BIRC6: variants seen among roughly 807,000 people sequenced by gnomAD.
The protein encoded by BIRC6 is dual E2 ubiquitin-conjugating enzyme/E3 ubiquitin-protein ligase BIRC6.
A neutral mutation model predicts 503.3 loss-of-function variants in BIRC6; 98 were observed. That is an observed-to-expected ratio of 0.19 (90% CI 0.17 to 0.23). The LOEUF (loss-of-function observed/expected upper bound fraction) is 0.23. Among genes scored for constraint, BIRC6 ranks in the 10% least tolerant of loss-of-function variants. The pLI, the probability that BIRC6 is intolerant of heterozygous loss-of-function variation, is 1.00. For missense variants in BIRC6, 5,360 were observed against 5,806.0 expected (o/e 0.92, Z 2.50); for synonymous variants, 2,240 against 2,078.7 (o/e 1.08, Z -2.11).
At chr2:32,517,085 C>G (rs2055134064) in intron 55 of BIRC6, among the ~76,000 whole-genome samples, 2 of 152,068 alleles carry the variant, frequency 1.3e-5, no homozygotes, top group African/African-American at 4.8e-5. Context: ...AATCCCAGCT[C>G]TTTGGGAAGC....
intron 54 of BIRC6, among the ~76,000 whole-genome samples, chr2:32,513,908 T>C (rs930695525): frequency 2.6e-5 from 4 of 151,034 alleles, no homozygotes; most frequent in Admixed American, 6.6e-5. Context: ...AGACTCTGTC[T>C]CAAAAAAAAA....
At chr2:32,405,742 A>G (rs772802233) in intron 8 of BIRC6, among the ~76,000 whole-genome samples, 18 of 152,242 alleles carry the variant, frequency 1.2e-4, no homozygotes, top group Non-Finnish European at 2.4e-4. Context: ...GTACACAAAC[A>G]TACACACTTG....
intron 1 of BIRC6, among the ~76,000 whole-genome samples, chr2:32,364,475 T>C (rs2034587034): frequency 6.6e-6 from 1 of 152,138 alleles, no homozygotes; most frequent in Non-Finnish European, 1.5e-5. Context: ...ATTCCTGACC[T>C]CGTGATCCGC....
At chr2:32,433,272 G>T (rs1430477060) in intron 12 of BIRC6, among the ~76,000 whole-genome samples, 1 of 152,094 alleles carries the variant, frequency 6.6e-6, no homozygotes, top group African/African-American at 2.4e-5. Context: ...TAAAACCCAA[G>T]AATGAATATA....
chr2:32,557,531 AT>A (rs1215608469), intron 65 of BIRC6: 1 of 152,042 alleles, frequency 6.6e-6, no homozygotes, highest in East Asian at 1.9e-4. Context: ...TTGCTTTGTT[AT>A]AATTTTATTC....
At chr2:32,367,632 T>G (rs1376190519) in intron 1 of BIRC6, among the ~76,000 whole-genome samples, 1 of 151,570 alleles carries the variant, frequency 6.6e-6, no homozygotes, top group Non-Finnish European at 1.5e-5. Flanking sequence ...CCTGGCCAAC[T>G]TGGTGAAACC....
rs766076316 is a variant in BIRC6 at position 32,377,725 on chromosome 2, T to G, written c.463T>G (p.Ser155Ala). Residue 155 changes from serine to alanine, a missense_variant, in exon 2 of 74, where the codon TCA becomes GCA. Ser to Ala is a moderately conservative substitution (Grantham distance 99, BLOSUM62 1). Transcript: ENST00000421745. ...LLDTALQTPV[S>A]KQDDVVQLEL... ...AGACACTGCTCTGCAAACTCCAGTT[T>G]CAAAGCAGGATGATGTGGTTCAGCT... 1 of 1,613,704 alleles carries G rather than the reference T, an allele frequency of 6.2e-7. No homozygotes were observed. The highest frequency in any genetic ancestry group is 8.5e-7 in the Non-Finnish European group (1 of 1,179,754).
At chr2:32,403,214 T>C (rs1019760181) in intron 8 of BIRC6, among the ~76,000 whole-genome samples, 1 of 152,134 alleles carries the variant, frequency 6.6e-6, no homozygotes, top group Non-Finnish European at 1.5e-5. Flanking sequence ...CTGTTGGAAT[T>C]GATAGTGAAT....
chr2:32,372,935 A>C (rs116273567), intron 1 of BIRC6, among the ~76,000 whole-genome samples: 183 of 152,316 alleles, frequency 1.2e-3, no homozygotes, highest in Non-Finnish European at 2.1e-3. Context: ...TTGTGTGAAC[A>C]TAAGCTTTTA....
At chr2:32,540,660 A>G (rs2057592949) in intron 61 of BIRC6, among the ~76,000 whole-genome samples, 1 of 152,050 alleles carries the variant, frequency 6.6e-6, no homozygotes, top group Non-Finnish European at 1.5e-5. Flanking sequence ...TATACTTGTG[A>G]CATTTATGTA....
intron 2 of BIRC6, chr2:32,379,449 C>A (rs190888674): frequency 1.3e-5 from 2 of 152,196 alleles, no homozygotes; most frequent in African/African-American, 4.8e-5. Flanking sequence ...TTTCCTACTA[C>A]AGTGAAATGC....
intron 24 of BIRC6, among the ~76,000 whole-genome samples, chr2:32,464,084 C>CA (rs2048279023): frequency 6.6e-6 from 1 of 152,170 alleles, no homozygotes; most frequent in African/African-American, 2.4e-5. Flanking sequence ...GCATCCGTGG[C>CA]AAAAGTGTCT....
chr2:32,581,847 G>T (rs1029457060), intron 66 of BIRC6, among the ~76,000 whole-genome samples: 1 of 152,096 alleles, frequency 6.6e-6, no homozygotes, highest in Non-Finnish European at 1.5e-5. Flanking sequence ...AAAGAAAAGT[G>T]ATCTATATTT....
chr2:32,506,884 A>G (rs551492168), intron 50 of BIRC6, among the ~76,000 whole-genome samples: 76 of 152,254 alleles, frequency 5.0e-4, no homozygotes, highest in Non-Finnish European at 9.6e-4. Context: ...TTTCCTCAAA[A>G]GGTTTTGAAG....
intron 41 of BIRC6, among the ~76,000 whole-genome samples, chr2:32,488,229 G>A (rs921870393): frequency 6.6e-6 from 1 of 152,000 alleles, no homozygotes; most frequent in Admixed American, 6.6e-5. Flanking sequence ...TACAGTCCCA[G>A]CTACTCGGGA....
At chr2:32,364,482 C>T (rs151003627) in intron 1 of BIRC6, among the ~76,000 whole-genome samples, 17 of 152,272 alleles carry the variant, frequency 1.1e-4, no homozygotes, top group African/African-American at 3.9e-4. Flanking sequence ...ACCTCGTGAT[C>T]CGCCCGCCCT....
intron 38 of BIRC6, 44 bp from the exon 39 acceptor site, chr2:32,482,385 C>T (rs756395597): frequency 6.3e-7 from 1 of 1,588,662 alleles, no homozygotes; most frequent in Non-Finnish European, 8.6e-7. Context: ...GTCATTCAGC[C>T]AAGAGGCAAA....
chr2:32,414,574 C>G (rs2042224328), intron 9 of BIRC6, among the ~76,000 whole-genome samples, 195 bp from the exon 10 acceptor site: 1 of 151,874 alleles, frequency 6.6e-6, no homozygotes, highest in African/African-American at 2.4e-5. Context: ...GGCTGAGGCA[C>G]TAGAATCACT....
At chr2:32,443,328 C>G (rs1264547076) in intron 19 of BIRC6, 163 bp from the exon 20 acceptor site, 4 of 557,018 alleles carry the variant, frequency 7.2e-6, no homozygotes, top group African/African-American at 3.9e-5. Flanking sequence ...TTAGTATAAT[C>G]AGTTCCCGCT....
Sources: allele counts gnomAD v4.1 joint callset (sites outside exome capture counted in the v4.1 genomes callset), GRCh38; gene constraint gnomAD v4.1.1; transcripts MANE v1.5; gene names NCBI Gene and HGNC (gene_info 2026-07-23, HGNC 2026-07-21).